The following ZNF668 variants were observed in gnomAD, a reference collection of about 807,000 sequenced individuals.
ZNF668 encodes zinc finger protein 668.
Under a neutral mutation model 40.3 loss-of-function variants are expected in ZNF668, and 10 were observed. That is an observed-to-expected ratio of 0.25 (90% CI 0.15 to 0.42). The LOEUF is 0.42. Ranked by LOEUF, ZNF668 falls within the 10% of genes least tolerant of loss-of-function variation. ZNF668 has a pLI of 1.00. For missense variants in ZNF668, 749 were observed against 904.6 expected, an observed-to-expected ratio of 0.83 and a Z score of 2.21; for synonymous variants, 428 against 384.6, an observed-to-expected ratio of 1.11 and a Z score of -1.32.
chr16:31,062,780 AAAGAAAAAG>A (rs1443020170), intron 2 of ZNF668: 3 of 17,284 alleles, frequency 1.7e-4, no homozygotes, highest in African/African-American at 4.8e-4. Context: ...AAAAAAAAAA[AAAGAAAAAG>A]AAAAAAAAAA....
chr16:31,066,142 C>T (rs911740640), intron 1 of ZNF668: 2 of 985,344 alleles, frequency 2.0e-6, no homozygotes, highest in Non-Finnish European at 2.4e-6. Context: ...GCTGCCCTCC[C>T]TCCCCAACCC....
chr16:31,068,239 A>AAAAATATATATATATAT (rs1473353128), intron 1 of ZNF668, among the ~76,000 whole-genome samples: 1 of 83,010 alleles, frequency 1.2e-5, no homozygotes, highest in African/African-American at 5.0e-5. Context: ...AAAAAAAAAA[A>AAAAATATATATATATAT]ATATATATAT....
intron 1 of ZNF668, chr16:31,065,562 A>G (rs927596526): frequency 2.6e-5 from 4 of 152,164 alleles, no homozygotes; most frequent in South Asian, 2.1e-4. Flanking sequence ...TTATAAGACT[A>G]TTTCCGCCCG....
At chr16:31,065,113 G>T in intron 1 of ZNF668, 25 of 1,012,706 alleles carry the variant, frequency 2.5e-5, no homozygotes, top group Non-Finnish European at 3.0e-5. Flanking sequence ...CTGGAATCTT[G>T]TTGGCCTGTT....
chr16:31,064,217 AG>A lies in ZNF668; in HGVS notation c.242del (p.Pro81LeufsTer225). ...GGCATAGCGGACACGCATAGGGCCT[AG>A]GCTTGGCCGCGGAGCCTGACACCTT... ...GEKVSGSAAK[P>X]RPYACPLCPK... On this transcript the variant is annotated frameshift_variant, in exon 2 of 3. Coordinates refer to ENST00000300849, the MANE Select transcript of ZNF668 (RefSeq NM_024706.5). LOFTEE classifies it high-confidence loss of function. 1 of 1,613,184 alleles carries A rather than the reference AG, an allele frequency of 6.2e-7. No homozygotes were observed. The highest frequency in any genetic ancestry group is 8.5e-7 in the Non-Finnish European group (1 of 1,180,004).
At chr16:31,062,421 C>T in intron 2 of ZNF668, 141 bp from the exon 3 acceptor site, 1 of 1,230,754 alleles carries the variant, frequency 8.1e-7, no homozygotes, top group East Asian at 2.5e-5. Flanking sequence ...TGGCTGCACC[C>T]CAGAGGAAGA....
At chr16:31,063,085 A>G (rs2056947948) in intron 2 of ZNF668, among the ~76,000 whole-genome samples, 1 of 151,576 alleles carries the variant, frequency 6.6e-6, no homozygotes, top group African/African-American at 2.4e-5. Context: ...CAAGATCAAA[A>G]CTCCGTCTCA....
Position 31,062,083 on chromosome 16 carries a change from C to A in ZNF668, c.845G>T (p.Cys282Phe). The part of the protein sequence containing the change: ...RTHSGEKPFL[C>F]PRCGRMFSDP... ...GGAGAACATGCGGCCGCAGCGCGGG[C>A]ACAGGAAGGGCTTCTCCCCCGAGTG... Residue 282 changes from cysteine to phenylalanine, a missense_variant, in exon 3 of 3, where the codon TGC (cysteine) becomes TTC (phenylalanine). By Grantham distance (205) the Cys-to-Phe change is radical. Transcript: ENST00000300849. 1.2e-6 allele frequency: 2 copies of A among 1,613,658 alleles called. No individual in the cohort carries two copies. The highest frequency in any genetic ancestry group is 1.7e-6 in the Non-Finnish European group (2 of 1,179,776).
chr16:31,071,460 C>G (rs565031125), intron 1 of ZNF668, among the ~76,000 whole-genome samples: 4 of 151,946 alleles, frequency 2.6e-5, no homozygotes, highest in African/African-American at 9.7e-5. Context: ...AGCCACCGTG[C>G]CTGGCCTTTA....
At position 31,062,000 on chromosome 16, in the gene ZNF668, A is replaced by G; in HGVS notation, c.928T>C (p.Cys310Arg). ...CGGAAGTCCTTGCCGCACTTCTCGC[A>G]GTGGTATGGCTTCACCCCTTCATGG... ...RAHEGVKPYH[C>R]EKCGKDFRQP... The change falls in exon 3 of 3, where the codon TGC becomes CGC. Residue 310 changes from cysteine (C) to arginine (R), a missense_variant. Physicochemically the swap from Cys to Arg is radical, Grantham distance 180. Coordinates refer to ENST00000300849, the MANE Select transcript of ZNF668 (RefSeq NM_024706.5). This position sits in a 1 kb window ranked among gnomAD's most constrained non-coding sequence, Gnocchi z 7.7. 6.2e-7 allele frequency: 1 copy of G among 1,613,790 alleles called. No homozygotes were observed. The highest frequency in any genetic ancestry group is 8.5e-7 in the Non-Finnish European group (1 of 1,179,864).
chr16:31,061,545 C>T lies in ZNF668; in HGVS notation c.1383G>A (p.Gly461=), dbSNP rs769937510. The change falls in exon 3 of 3, where the codon GGG becomes GGA. Residue 461 remains glycine (G), a synonymous_variant. Transcript: ENST00000300849. This position sits in a 1 kb window ranked among gnomAD's most constrained non-coding sequence, Gnocchi z 7.7. ...GLGDPPAGLL[G]LPPESGGVMA... is the part of the protein sequence containing the mutation. ...TCACACCACCTGACTCCGGGGGCAG[C>T]CCTAGCAGCCCTGCTGGAGGGTCCC... 8 of 1,610,302 alleles carry T rather than the reference C, an allele frequency of 5.0e-6. No individual in the cohort carries two copies. The East Asian group carries it at 1.3e-4, about 27-fold the overall frequency.
At chr16:31,064,556 C>CA (rs1422280635) in intron 1 of ZNF668, 75 bp from the exon 2 acceptor site, 1 of 1,589,014 alleles carries the variant, frequency 6.3e-7, no homozygotes, top group African/African-American at 1.3e-5. Context: ...AACCCTATCT[C>CA]ATCTGCATTT....
At position 31,061,462 on chromosome 16, in the gene ZNF668, G is replaced by A. The variant is rs1015348108; in HGVS notation, c.1466C>T (p.Ala489Val). 8 of 1,613,578 alleles carry A rather than the reference G, an allele frequency of 5.0e-6. No individual in the cohort carries two copies. The highest frequency in any genetic ancestry group is 5.9e-6 in the Non-Finnish European group (7 of 1,179,982). ...MTVEHVECQD[A>V]GVREAPGPLE... Reference sequence around the variant, plus strand: ...GGGACCAGGAGCCTCCCGGACACCAGCATCTTGGCATTCCACATGCTCCAC... The same window carrying A: ...GGGACCAGGAGCCTCCCGGACACCAACATCTTGGCATTCCACATGCTCCAC... The change falls in exon 3 of 3, where the codon GCT (alanine) becomes GTT (valine). Residue 489 changes from alanine to valine, a missense_variant. By Grantham distance (64) the Ala-to-Val change is moderately conservative. Coordinates refer to ENST00000300849, the MANE Select transcript of ZNF668 (RefSeq NM_024706.5). The surrounding 1 kb of genome is among the most constrained non-coding windows in gnomAD (Gnocchi z 7.7).
At chr16:31,068,239 A>AAAAAAAAAAAT (rs1473353128) in intron 1 of ZNF668, among the ~76,000 whole-genome samples, 60 of 83,000 alleles carry the variant, frequency 7.2e-4, no homozygotes, top group East Asian at 1.5e-3. Flanking sequence ...AAAAAAAAAA[A>AAAAAAAAAAAT]ATATATATAT....
In ZNF668 at chr16:31,061,630, G is replaced by T; in HGVS notation, c.1298C>A (p.Ala433Glu). 1 of 1,611,490 alleles carries T rather than the reference G, an allele frequency of 6.2e-7. No homozygotes were observed. The change falls in exon 3 of 3, where the codon GCG (alanine) becomes GAG (glutamate). Residue 433 changes from alanine to glutamate, a missense_variant. Coordinates refer to ENST00000300849, the MANE Select transcript of ZNF668 (RefSeq NM_024706.5). The surrounding 1 kb of genome is among the most constrained non-coding windows in gnomAD (Gnocchi z 7.7). ...PPAQELVVGL[A>E]LPVGVAGESS... ...CTCACCTGCCACGCCCACAGGCAGC[G>T]CCAACCCCACCACCAGCTCCTGTGC...
At chr16:31,068,552 G>C (rs1405084354) in intron 1 of ZNF668, among the ~76,000 whole-genome samples, 1 of 148,452 alleles carries the variant, frequency 6.7e-6, no homozygotes, top group Non-Finnish European at 1.5e-5. Context: ...AAGAGCTTGA[G>C]GTAGGCCTCA....
chr16:31,062,103 C>T lies in ZNF668; in HGVS notation c.825G>A (p.Ser275=), dbSNP rs967420822. 1.9e-6 allele frequency: 3 copies of T among 1,613,778 alleles called. No homozygotes were observed. Among genetic ancestry groups the T allele is most frequent in the Non-Finnish European group, 2.5e-6 (3 of 1,179,828 alleles). ...GCGGGCACAGGAAGGGCTTCTCCCC[C>T]GAGTGCGTGCGCTCGTGGCTCTGGT... ...SSYQSHERTH[S]GEKPFLCPRC... Residue 275 remains serine (S), a synonymous_variant, in exon 3 of 3, where the codon TCG becomes TCA. Transcript: ENST00000300849.
intron 1 of ZNF668, chr16:31,065,922 G>C: frequency 1.6e-6 from 1 of 607,182 alleles, no homozygotes; most frequent in Non-Finnish European, 2.1e-6. Flanking sequence ...TCTAAGTTAT[G>C]ACACTGGGGT....
rs1449703708 is a variant in ZNF668 at position 31,061,518 on chromosome 16, C to T, written c.1410G>A (p.Met470Ile). ...LGLPPESGGV[M>I]ATQWQVVGMT... Reference sequence around the variant, plus strand: ...TGCCCACCACCTGCCACTGTGTGGCCATCACACCACCTGACTCCGGGGGCA... The same window carrying T: ...TGCCCACCACCTGCCACTGTGTGGCTATCACACCACCTGACTCCGGGGGCA... The change falls in exon 3 of 3, where the codon ATG (methionine) becomes ATA (isoleucine). Residue 470 changes from methionine (M) to isoleucine (I), a missense_variant. Transcript: ENST00000300849. The surrounding 1 kb of genome is among the most constrained non-coding windows in gnomAD (Gnocchi z 7.7). 9.9e-6 allele frequency: 16 copies of T among 1,612,352 alleles called. No homozygotes were observed. Among genetic ancestry groups the T allele is most frequent in the Non-Finnish European group, 1.4e-5 (16 of 1,179,972 alleles).
Sources: gnomAD v4.1 joint callset for allele counts (sites outside exome capture counted in the v4.1 genomes callset) on GRCh38, gnomAD v4.1.1 for gene constraint, Gnocchi (gnomAD v3.1) non-coding constraint, MANE v1.5 for transcripts, NCBI Gene and HGNC (gene_info 2026-07-23, HGNC 2026-07-21) for gene names.